The following ACOXL variants were observed in gnomAD, a reference collection of about 807,000 sequenced individuals.
ACOXL encodes acyl-CoA oxidase like, also known as acyl-coenzyme A oxidase-like protein.
In ACOXL, 70 loss-of-function variants were observed where a neutral mutation model predicts 71.9. The ratio of observed to expected loss-of-function variants is 0.97; its 90% CI spans 0.80 to 1.19. The LOEUF is 1.19. Among genes scored for constraint, ACOXL ranks in the 50% most tolerant of loss-of-function variants. The probability of loss-of-function intolerance (pLI) is 0.00; values close to 1 mark genes in which losing one functional copy is unlikely to be tolerated. For missense variants in ACOXL, 703 were observed against 736.3 expected (o/e 0.95, Z 0.52); for synonymous variants, 253 against 281.6 (o/e 0.90, Z 1.02).
At chr2:111,101,295 G>C (rs192698227) in intron 17 of ACOXL, 5 of 152,292 alleles carry the variant, frequency 3.3e-5, no homozygotes, top group African/African-American at 1.2e-4. Flanking sequence ...AGATGGTGCT[G>C]GGATATAGCC....
In ACOXL at chr2:111,031,723, G is replaced by C. The variant is rs770528948; in HGVS notation, c.1369+9G>C. On this transcript the variant is annotated intron_variant, in intron 15 of 17. Coordinates refer to ENST00000439055, the MANE Select transcript of ACOXL (RefSeq NM_001142807.4). ...GGCACACACTCACCGAGGTCAGTTGGCTCCTGTTGAATATTTGTAATTGAG... is the reference window on the plus strand; with the variant it reads ...GGCACACACTCACCGAGGTCAGTTGCCTCCTGTTGAATATTTGTAATTGAG... 3.1e-6 allele frequency: 5 copies of C among 1,613,952 alleles called. No individual in the cohort carries two copies. In the South Asian group the frequency reaches 5.5e-5, roughly 18 times the overall value.
chr2:110,739,293 T>C (rs1370374937), intron 1 of ACOXL, among the ~76,000 whole-genome samples: 4 of 152,154 alleles, frequency 2.6e-5, no homozygotes, highest in Admixed American at 6.5e-5. Flanking sequence ...GGTTAATTCC[T>C]CCAGTGATGA....
At chr2:111,007,632 C>T (rs941502826) in intron 14 of ACOXL, among the ~76,000 whole-genome samples, 4 of 151,996 alleles carry the variant, frequency 2.6e-5, no homozygotes, top group African/African-American at 9.7e-5. Flanking sequence ...TTGTAGTTTC[C>T]CTGCCAACCC....
chr2:110,812,281 T>C (rs752355026), intron 9 of ACOXL, among the ~76,000 whole-genome samples: 1 of 152,230 alleles, frequency 6.6e-6, no homozygotes, highest in East Asian at 1.9e-4. Flanking sequence ...TGTTTACATA[T>C]TTAACAACCG....
intron 10 of ACOXL, among the ~76,000 whole-genome samples, chr2:110,857,952 C>G (rs1409986386): frequency 6.6e-6 from 1 of 152,166 alleles, no homozygotes; most frequent in Non-Finnish European, 1.5e-5. Flanking sequence ...TCTTGAACTC[C>G]TGGCCTCAAG....
At chr2:110,888,521 C>T (rs1181031483) in intron 10 of ACOXL, among the ~76,000 whole-genome samples, 1 of 152,308 alleles carries the variant, frequency 6.6e-6, no homozygotes, top group Non-Finnish European at 1.5e-5. Flanking sequence ...TTCTTCACTC[C>T]TCCCTTCCTA....
intron 9 of ACOXL, 52 bp downstream of exon 9, chr2:110,805,447 T>C: frequency 2.5e-6 from 4 of 1,609,714 alleles, no homozygotes; most frequent in Non-Finnish European, 3.4e-6. Context: ...CTCTCACGAC[T>C]CAGGGATGAG....
intron 12 of ACOXL, among the ~76,000 whole-genome samples, chr2:110,969,817 A>AG (rs2062101731): frequency 6.6e-6 from 1 of 151,934 alleles, no homozygotes; most frequent in African/African-American, 2.4e-5. Flanking sequence ...TCTCAAAAAA[A>AG]AAGAAAAAAA....
At chr2:111,115,905 A>T (rs542195090) in intron 17 of ACOXL, among the ~76,000 whole-genome samples, 1 of 152,160 alleles carries the variant, frequency 6.6e-6, no homozygotes, top group South Asian at 2.1e-4. Flanking sequence ...TTTTTTTAAA[A>T]TTTTCTTTAT....
chr2:110,893,626 C>A (rs2058882375), intron 10 of ACOXL, among the ~76,000 whole-genome samples: 1 of 152,064 alleles, frequency 6.6e-6, no homozygotes, highest in Non-Finnish European at 1.5e-5. Context: ...AGGAAATAAT[C>A]ATGAAAATTA....
At chr2:111,101,930 C>T (rs552993293) in intron 17 of ACOXL, 5 of 152,710 alleles carry the variant, frequency 3.3e-5, no homozygotes, top group African/African-American at 1.2e-4. Context: ...TTTTTAAATC[C>T]TCTTTGATTT....
At chr2:110,854,623 G>A (rs140906446) in intron 10 of ACOXL, among the ~76,000 whole-genome samples, 1 of 152,324 alleles carries the variant, frequency 6.6e-6, no homozygotes, top group African/African-American at 2.4e-5. Context: ...TTTAAGTAAT[G>A]ACTGAGTAGG....
At chr2:111,117,475 A>T (rs1169139599) in intron 17 of ACOXL, 141 bp from the exon 18 acceptor site, 1 of 861,408 alleles carries the variant, frequency 1.2e-6, no homozygotes, top group Non-Finnish European at 1.9e-6. Context: ...CATGGCCAAC[A>T]GTTTCCACAG....
At chr2:111,039,354 A>T (rs1289448912) in intron 15 of ACOXL, among the ~76,000 whole-genome samples, 2 of 152,156 alleles carry the variant, frequency 1.3e-5, no homozygotes, top group South Asian at 2.1e-4. Context: ...GAGAAAACAT[A>T]ATGCTCTATT....
chr2:110,833,265 C>A (rs147390620), intron 9 of ACOXL, among the ~76,000 whole-genome samples: 1 of 152,318 alleles, frequency 6.6e-6, no homozygotes, highest in Non-Finnish European at 1.5e-5. Flanking sequence ...ACTATTGATA[C>A]ACACTGCAAC....
In ACOXL at chr2:111,013,070, C is replaced by G. The variant is rs532607655; in HGVS notation, c.1281+17066C>G. ...CTGATCAGGAAAAAAAGATAAAGTA[C>G]AAATTAACAACGTCAAGAATGAAAG... On this transcript the variant is annotated intron_variant, in intron 14 of 17. Transcript: ENST00000439055. Among the ~76,000 whole-genome samples, 3 of 152,198 alleles carry G rather than the reference C, an allele frequency of 2.0e-5. No individual in the cohort carries two copies. In the South Asian group the frequency reaches 6.2e-4, roughly 32 times the overall value.
intron 1 of ACOXL, among the ~76,000 whole-genome samples, chr2:110,742,869 G>A (rs960585951): frequency 1.3e-5 from 2 of 152,144 alleles, no homozygotes; most frequent in African/African-American, 4.8e-5. Context: ...AAGCATAGGC[G>A]ATAAAAACTA....
chr2:110,866,868 C>A (rs546123978), intron 10 of ACOXL, among the ~76,000 whole-genome samples: 11 of 152,174 alleles, frequency 7.2e-5, no homozygotes, highest in Non-Finnish European at 1.6e-4. Flanking sequence ...GTGCTAGAGA[C>A]GAGGCTCCTA....
intron 5 of ACOXL, among the ~76,000 whole-genome samples, chr2:110,796,992 A>G (rs796895518): frequency 4.3e-4 from 65 of 152,104 alleles, no homozygotes; most frequent in African/African-American, 1.5e-3. Context: ...AATACTGTCA[A>G]CTCCAATTAA....
Sources: gnomAD v4.1 joint callset for allele counts (sites outside exome capture counted in the v4.1 genomes callset) on GRCh38, gnomAD v4.1.1 for gene constraint, MANE v1.5 for transcripts, NCBI Gene and HGNC (gene_info 2026-07-23, HGNC 2026-07-21) for gene names.